Variants in TIAM1 observed in about 807,000 individuals in gnomAD.
The protein encoded by TIAM1 is rho guanine nucleotide exchange factor TIAM1.
TIAM1 carries 65 observed loss-of-function variants against 163.5 expected under a neutral mutation model. The ratio of observed to expected loss-of-function variants is 0.40; its 90% CI spans 0.33 to 0.49. The LOEUF is 0.49. TIAM1 is among the 20% of genes least tolerant of loss of function. The pLI is 0.77. For missense variants in TIAM1, 1,789 were observed against 2,044.7 expected (o/e 0.87, Z 2.41); for synonymous variants, 833 against 810.1 (o/e 1.03, Z -0.48).
chr21:31,398,158 CAA>C (rs34895602), intron 2 of TIAM1, among the ~76,000 whole-genome samples: 844 of 52,472 alleles, frequency 0.016, 3 homozygotes, highest in African/African-American at 0.05. Flanking sequence ...ATCTTCAGGG[CAA>C]AAAAAAAAAA....
chr21:31,150,486 G>A (rs538718529), intron 19 of TIAM1, among the ~76,000 whole-genome samples: 3 of 152,044 alleles, frequency 2.0e-5, no homozygotes, highest in South Asian at 4.1e-4. Flanking sequence ...AGGATCAAAC[G>A]ACAGCCATTG....
intron 2 of TIAM1, among the ~76,000 whole-genome samples, chr21:31,398,777 G>A (rs2077115776): frequency 6.6e-6 from 1 of 152,262 alleles, no homozygotes; most frequent in African/African-American, 2.4e-5. Flanking sequence ...AGTGTGATAT[G>A]AGAATACAGA....
At chr21:31,532,775 G>A (rs1214004427) in intron 1 of TIAM1, among the ~76,000 whole-genome samples, 1 of 152,054 alleles carries the variant, frequency 6.6e-6, no homozygotes, top group Non-Finnish European at 1.5e-5. Flanking sequence ...GGGCAACGTG[G>A]CCAAATCCCA....
chr21:31,320,403 T>C (rs1389356377), intron 2 of TIAM1, among the ~76,000 whole-genome samples: 1 of 152,164 alleles, frequency 6.6e-6, no homozygotes, highest in Non-Finnish European at 1.5e-5. Flanking sequence ...GTGCAATTGT[T>C]CACTTAAAAA....
chr21:31,200,551 T>G (rs895722697), intron 12 of TIAM1, among the ~76,000 whole-genome samples: 1 of 152,254 alleles, frequency 6.6e-6, no homozygotes, highest in Admixed American at 6.5e-5. Context: ...CTCAGAACAG[T>G]GGTAGCTATT....
At chr21:31,427,825 C>A (rs559256321) in intron 2 of TIAM1, among the ~76,000 whole-genome samples, 1 of 151,890 alleles carries the variant, frequency 6.6e-6, no homozygotes, top group South Asian at 2.1e-4. Flanking sequence ...CAGAGCAATA[C>A]CCCGTCTCAA....
intron 2 of TIAM1, among the ~76,000 whole-genome samples, chr21:31,350,235 A>G (rs2076212628): frequency 6.6e-6 from 1 of 152,184 alleles, no homozygotes; most frequent in South Asian, 2.1e-4. Flanking sequence ...GTGAGCCACA[A>G]AGGCCCGACA....
At chr21:31,554,801 C>T (rs2048817938) in intron 1 of TIAM1, among the ~76,000 whole-genome samples, 1 of 152,132 alleles carries the variant, frequency 6.6e-6, no homozygotes, top group South Asian at 2.1e-4. Flanking sequence ...CTGCCTCAGC[C>T]CAGAGGGAGA....
chr21:31,180,335 T>C (rs2833327), intron 15 of TIAM1, among the ~76,000 whole-genome samples: 12,568 of 152,272 alleles, frequency 0.083, 560 homozygotes, highest in African/African-American at 0.12. Flanking sequence ...TAAAGGGCCA[T>C]AGAGTAAACA....
chr21:31,165,128 CTG>C, intron 15 of TIAM1, 63 bp from the exon 16 acceptor site: 2 of 1,482,336 alleles, frequency 1.3e-6, no homozygotes, highest in Non-Finnish European at 1.9e-6. Flanking sequence ...AAAGCCACCC[CTG>C]TGTGAGGGGG....
intron 4 of TIAM1, among the ~76,000 whole-genome samples, chr21:31,257,674 G>T (rs2072193623): frequency 6.6e-6 from 1 of 152,070 alleles, no homozygotes; most frequent in South Asian, 2.1e-4. Flanking sequence ...GCAATGTGGA[G>T]GACTCCTCAG....
At chr21:31,216,149 G>GAC (rs1207146892) in intron 9 of TIAM1, among the ~76,000 whole-genome samples, 1 of 152,144 alleles carries the variant, frequency 6.6e-6, no homozygotes, top group African/African-American at 2.4e-5. Flanking sequence ...CATCCTGGGT[G>GAC]ACAGAGCGAG....
intron 2 of TIAM1, among the ~76,000 whole-genome samples, chr21:31,353,278 C>G (rs2076263615): frequency 6.6e-6 from 1 of 152,132 alleles, no homozygotes; most frequent in Non-Finnish European, 1.5e-5. Context: ...TGTTAACTGA[C>G]CACATTCAGG....
chr21:31,267,044 T>A, intron 3 of TIAM1, 61 bp from the exon 4 acceptor site: 2 of 1,511,820 alleles, frequency 1.3e-6, no homozygotes, highest in Non-Finnish European at 1.8e-6. Flanking sequence ...TATAGGCATC[T>A]TAGAGAAAGC....
At chr21:31,382,411 G>A (rs184448152) in intron 2 of TIAM1, among the ~76,000 whole-genome samples, 1 of 152,256 alleles carries the variant, frequency 6.6e-6, no homozygotes, top group African/African-American at 2.4e-5. Context: ...AAGGTACAAG[G>A]ATCAAATAGA....
In TIAM1 at chr21:31,443,413, T is replaced by C. The variant is rs969104732; in HGVS notation, c.-369+20570A>G. On this transcript the variant is annotated intron_variant, in intron 2 of 28. Coordinates refer to the TIAM1 transcript ENST00000286827. Reference sequence around the variant, plus strand: ...GGACCACGCTGCTGTATGTCAGTGGTTTAATTCTTTTCCTTTTAAGGAAAG... The same window carrying C: ...GGACCACGCTGCTGTATGTCAGTGGCTTAATTCTTTTCCTTTTAAGGAAAG... Among the ~76,000 whole-genome samples the C allele has an allele frequency of 2.0e-5, 3 of 152,206 alleles. No individual in the cohort carries two copies. The South Asian group carries it at 6.2e-4, about 31-fold the overall frequency.
At chr21:31,487,536 AATTTTTTTTTTTTTTGT>A (rs1276354579) in intron 1 of TIAM1, among the ~76,000 whole-genome samples, 1 of 84,898 alleles carries the variant, frequency 1.2e-5, no homozygotes, top group Non-Finnish European at 2.2e-5. Context: ...ATGCCCAGCT[AATTTTTTTTTTTTTTGT>A]ATTTTTTTTT....
chr21:31,119,107 T>TA lies in TIAM1; in HGVS notation c.*1260dup, dbSNP rs1555847176. On this transcript the variant is annotated 3_prime_UTR_variant, in exon 28 of 28. Transcript: ENST00000541036. Reference sequence around the variant, plus strand: ...AAAGAAAAAGCTATAAACCTTTTTTTAAAAAAAAAAAAAAAATTGAAAGTG... The same window carrying TA: ...AAAGAAAAAGCTATAAACCTTTTTTTAAAAAAAAAAAAAAAAATTGAAAGTG... The TA allele has an allele frequency of 0.028, 4,115 of 145,912 alleles. 83 individuals are homozygous for TA. The highest frequency in any genetic ancestry group is 0.046 in the African/African-American group (1,841 of 40,256). 9.0% of individuals were successfully genotyped at this position (145,912 alleles called of 1,614,324 possible).
At chr21:31,379,946 G>C (rs969808484) in intron 2 of TIAM1, among the ~76,000 whole-genome samples, 4 of 152,134 alleles carry the variant, frequency 2.6e-5, no homozygotes, top group Non-Finnish European at 5.9e-5. Flanking sequence ...GAGGATGGTG[G>C]CAAAACTTTA....
Sources: allele counts gnomAD v4.1 joint callset (sites outside exome capture counted in the v4.1 genomes callset), GRCh38; gene constraint gnomAD v4.1.1; transcripts MANE v1.5; gene names NCBI Gene and HGNC (gene_info 2026-07-23, HGNC 2026-07-21).